Variants in ZNF708 observed in about 807,000 individuals in gnomAD.
The protein encoded by ZNF708 is ZNF15, ZNF15L1.
Under a neutral mutation model 47.0 loss-of-function variants are expected in ZNF708, and 44 were observed. That is an observed-to-expected ratio of 0.94 (90% CI 0.74 to 1.20). The LOEUF (loss-of-function observed/expected upper bound fraction) is 1.20, where lower values mean the gene tolerates loss of function less well. Ranked by LOEUF, ZNF708 falls within the 50% of genes most tolerant of loss-of-function variation. The probability of loss-of-function intolerance (pLI) is 0.00; values close to 1 mark genes in which losing one functional copy is unlikely to be tolerated. For synonymous variants in ZNF708, 184 were observed against 218.5 expected (o/e 0.84, Z 1.39); for missense variants, 557 against 656.0 (o/e 0.85, Z 1.65).
At chr19:21,313,775 A>C (rs868722134) in intron 1 of ZNF708, among the ~76,000 whole-genome samples, 2 of 141,876 alleles carry the variant, frequency 1.4e-5, no homozygotes, top group Non-Finnish European at 3.1e-5. Flanking sequence ...AAAAAAAAAA[A>C]GTGTGTAGAA....
rs1477067667 is a variant in ZNF708, at chr19:21,323,864, A to G, written c.3+5346T>C. ...TGGGCCTTTAATAAAATTTTTTTGC[A>G]GGCTCAATATTAGCCTTAGCTCTGA... On this transcript the variant is annotated intron_variant, in intron 1 of 3. Transcript: ENST00000356929. 2.0e-5 allele frequency among the ~76,000 whole-genome samples: 3 copies of G among 152,274 alleles called. No homozygotes were observed. In the East Asian group the frequency reaches 5.8e-4, roughly 29 times the overall value.
At chr19:21,310,751 TCCAA>T in intron 1 of ZNF708, 124 bp from the exon 2 acceptor site, 1 of 701,298 alleles carries the variant, frequency 1.4e-6, no homozygotes, top group Non-Finnish European at 2.0e-6. Flanking sequence ...ACTGAAATTA[TCCAA>T]TAAAATAATT....
intron 1 of ZNF708, among the ~76,000 whole-genome samples, chr19:21,315,557 G>C (rs1313455775): frequency 6.6e-6 from 1 of 152,094 alleles, no homozygotes; most frequent in African/African-American, 2.4e-5. Flanking sequence ...AATTTATTTG[G>C]GCCAAACTTG....
intron 1 of ZNF708, among the ~76,000 whole-genome samples, chr19:21,312,224 G>A (rs1972913885): frequency 1.3e-5 from 2 of 152,020 alleles, no homozygotes; most frequent in Non-Finnish European, 2.9e-5. Context: ...GAATGTGGGA[G>A]GCAGAGGTTG....
At chr19:21,322,569 C>T (rs564542589) in intron 1 of ZNF708, among the ~76,000 whole-genome samples, 1 of 152,150 alleles carries the variant, frequency 6.6e-6, no homozygotes, top group Admixed American at 6.6e-5. Flanking sequence ...TCCCAAAGTG[C>T]TAGGATTACA....
At chr19:21,315,663 G>A (rs1427406123) in intron 1 of ZNF708, among the ~76,000 whole-genome samples, 1 of 152,076 alleles carries the variant, frequency 6.6e-6, no homozygotes, top group African/African-American at 2.4e-5. Flanking sequence ...AAAGAGAGGC[G>A]CATAGAGTGG....
chr19:21,310,417 C>A (rs1180034253), intron 2 of ZNF708, 84 bp downstream of exon 2: 12 of 660,696 alleles, frequency 1.8e-5, no homozygotes, highest in Non-Finnish European at 2.2e-5. Context: ...TGCACTCCAG[C>A]CTGGGTGACA....
chr19:21,307,332 AAAG>A (rs922900394), intron 3 of ZNF708, among the ~76,000 whole-genome samples: 2 of 152,028 alleles, frequency 1.3e-5, no homozygotes, highest in African/African-American at 4.8e-5. Flanking sequence ...GCAGCCCAAA[AAAG>A]AAGATCTTGT....
Position 21,293,767 on chromosome 19 carries a change from G to C in ZNF708, c.1199C>G (p.Ala400Gly), listed in dbSNP as rs1261399944. ...KPYKCEECGK[A>G]FTKSSTLTYH... ...AGTAAGAGTTGAGGACTTGGTAAAG[G>C]CTTTACCACATTCTTCACATTTGTA... The change falls in exon 4 of 4, where the codon GCC becomes GGC. Residue 400 changes from alanine (A) to glycine (G), a missense_variant. Ala to Gly is a moderately conservative substitution (Grantham distance 60). Transcript: ENST00000356929. 2 of 1,612,922 alleles carry C rather than the reference G, an allele frequency of 1.2e-6. No individual in the cohort carries two copies. Among genetic ancestry groups the C allele is most frequent in the South Asian group, 1.1e-5 (1 of 91,032 alleles).
intron 1 of ZNF708, among the ~76,000 whole-genome samples, chr19:21,321,843 A>G (rs866723884): frequency 3.3e-5 from 5 of 152,214 alleles, no homozygotes; most frequent in Admixed American, 2.6e-4. Context: ...GATTTTACCT[A>G]TATTACAAAC....
At chr19:21,305,164 C>G (rs995551570) in intron 3 of ZNF708, among the ~76,000 whole-genome samples, 1 of 151,912 alleles carries the variant, frequency 6.6e-6, no homozygotes, top group South Asian at 2.1e-4. Context: ...GTGCGTGCCA[C>G]CACGCCCAGC....
chr19:21,326,656 C>T (rs1228676958), intron 1 of ZNF708, among the ~76,000 whole-genome samples: 2 of 152,124 alleles, frequency 1.3e-5, no homozygotes, highest in East Asian at 1.9e-4. Flanking sequence ...ATAGGCTGGG[C>T]GCGGTGGCTC....
intron 1 of ZNF708, among the ~76,000 whole-genome samples, chr19:21,320,115 G>A (rs1973097185): frequency 6.6e-6 from 1 of 152,040 alleles, no homozygotes; most frequent in Admixed American, 6.6e-5. Context: ...GGCAGAGGTT[G>A]AAGTAGGCCA....
rs762843584 is a variant in ZNF708 at position 21,293,292 on chromosome 19, T to G, written c.1674A>C (p.Lys558Asn). The change falls in exon 4 of 4, where the codon AAA (lysine) becomes AAC (asparagine). Residue 558 changes from lysine to asparagine, a missense_variant. Coordinates refer to ENST00000356929, the MANE Select transcript of ZNF708 (RefSeq NM_021269.3). The part of the protein sequence containing the change: ...TKHKRIHTKE[K>N]PYKCK ...TGACACATTATTTACATTTGTAGGGTTTCTCTTTGGTATGAATTCTCTTAT... is the reference window on the plus strand; with the variant it reads ...TGACACATTATTTACATTTGTAGGGGTTCTCTTTGGTATGAATTCTCTTAT... The G allele has an allele frequency of 3.7e-6, 6 of 1,607,316 alleles. No individual in the cohort carries two copies. The Admixed American group carries it at 8.6e-5, about 23-fold the overall frequency.
At chr19:21,307,891 C>T (rs1972817885) in intron 3 of ZNF708, among the ~76,000 whole-genome samples, 1 of 152,008 alleles carries the variant, frequency 6.6e-6, no homozygotes, top group African/African-American at 2.4e-5. Context: ...ACATTAAAAC[C>T]TATCTAATAA....
chr19:21,294,874 A>C (rs1364544648), intron 3 of ZNF708, 135 bp from the exon 4 acceptor site: 1 of 881,094 alleles, frequency 1.1e-6, no homozygotes, highest in African/African-American at 1.7e-5. Context: ...ATAGACATAT[A>C]AATGTAACAA....
chr19:21,326,089 C>T (rs1443723514), intron 1 of ZNF708, among the ~76,000 whole-genome samples: 1 of 152,090 alleles, frequency 6.6e-6, no homozygotes, highest in East Asian at 1.9e-4. Flanking sequence ...ACGTGGTGAA[C>T]AGGGAACACT....
intron 3 of ZNF708, among the ~76,000 whole-genome samples, chr19:21,304,941 A>C (rs1972729650): frequency 1.3e-5 from 2 of 152,228 alleles, no homozygotes; most frequent in Admixed American, 1.3e-4. Context: ...AACTGAAAGA[A>C]ACTAGGCATT....
intron 1 of ZNF708, among the ~76,000 whole-genome samples, chr19:21,324,652 C>T (rs764164793): frequency 3.3e-5 from 5 of 152,012 alleles, no homozygotes; most frequent in Non-Finnish European, 7.4e-5. Flanking sequence ...TATTTCATAT[C>T]TCAATAAGAA....
Sources: gnomAD v4.1 joint callset for allele counts (sites outside exome capture counted in the v4.1 genomes callset) on GRCh38, gnomAD v4.1.1 for gene constraint, MANE v1.5 for transcripts, NCBI Gene and HGNC (gene_info 2026-07-23, HGNC 2026-07-21) for gene names.